The following EXOC2 variants were observed in gnomAD, a reference collection of about 807,000 sequenced individuals.
The protein encoded by EXOC2 is SEC5-like 1.
A neutral mutation model predicts 131.8 loss-of-function variants in EXOC2; 70 were observed. The ratio of observed to expected loss-of-function variants is 0.53; its 90% confidence interval spans 0.44 to 0.65. The LOEUF (loss-of-function observed/expected upper bound fraction) is 0.65, where lower values mean the gene tolerates loss of function less well. Among genes scored for constraint, EXOC2 ranks in the 30% least tolerant of loss-of-function variants. The pLI, the probability that EXOC2 is intolerant of heterozygous loss-of-function variation, is 0.00. For synonymous variants in EXOC2, 411 were observed against 398.4 expected (o/e 1.03, Z -0.38); for missense variants, 923 against 1,108.6 (o/e 0.83, Z 2.38).
intron 4 of EXOC2, among the ~76,000 whole-genome samples, chr6:624,252 C>T (rs1475432868): frequency 3.9e-5 from 6 of 152,152 alleles, no homozygotes; most frequent in African/African-American, 9.7e-5. Flanking sequence ...GTATTCCCAA[C>T]GGGAAGCAGC....
intron 24 of EXOC2, among the ~76,000 whole-genome samples, 189 bp downstream of exon 24, chr6:499,430 AACACACACACACACACACACACACAC>A (rs5873755): frequency 7.1e-6 from 1 of 141,642 alleles, no homozygotes; most frequent in Non-Finnish European, 1.5e-5. Flanking sequence ...CTCACAGTTA[AACACACACACACACACACACACACAC>A]ACACACACAC....
rs778992315 is a variant in EXOC2, at chr6:486,659, T to C, written c.*12A>G. 1 of 1,611,404 alleles carries C rather than the reference T, an allele frequency of 6.2e-7. No homozygotes were observed. The highest frequency in any genetic ancestry group is 1.1e-5 in the South Asian group (1 of 91,016). ...GTGTTATTTTCCTGGACTTCTTTTA[T>C]GTGGCAGATATTTATGTTTTCATCA... On this transcript the variant is annotated 3_prime_UTR_variant, in exon 28 of 28. Coordinates refer to ENST00000230449, the MANE Select transcript of EXOC2 (RefSeq NM_018303.6).
At chr6:558,637 C>G (rs979479721) in intron 17 of EXOC2, among the ~76,000 whole-genome samples, 2 of 151,860 alleles carry the variant, frequency 1.3e-5, no homozygotes, top group Non-Finnish European at 2.9e-5. Flanking sequence ...CATGATGAAA[C>G]CCCATCTCTA....
At chr6:619,334 T>C in intron 5 of EXOC2, 96 bp downstream of exon 5, 3 of 925,118 alleles carry the variant, frequency 3.2e-6, no homozygotes, top group Non-Finnish European at 5.2e-6. Flanking sequence ...CATGTAACTG[T>C]ATGCAGAGCC....
intron 27 of EXOC2, 74 bp from the exon 28 acceptor site, chr6:486,838 G>A (rs890489433): frequency 1.7e-6 from 2 of 1,162,258 alleles, no homozygotes; most frequent in African/African-American, 1.5e-5. Context: ...CACCAGGGGA[G>A]CCAGTGCCCG....
At chr6:608,084 CACTCAT>C (rs1202337509) in intron 7 of EXOC2, among the ~76,000 whole-genome samples, 1 of 152,226 alleles carries the variant, frequency 6.6e-6, no homozygotes, top group African/African-American at 2.4e-5. Flanking sequence ...AAGTAAATGA[CACTCAT>C]ACTCATTTAT....
At chr6:555,890 G>A in intron 19 of EXOC2, 64 bp downstream of exon 19, 3 of 1,476,408 alleles carry the variant, frequency 2.0e-6, no homozygotes, top group Admixed American at 1.8e-5. Flanking sequence ...TTATAAATAG[G>A]AGAGGGGTTG....
chr6:532,554 CT>C lies in EXOC2; in HGVS notation c.2294del (p.Glu765GlyfsTer2). 1 of 1,609,810 alleles carries C rather than the reference CT, an allele frequency of 6.2e-7. No individual in the cohort carries two copies. The highest frequency in any genetic ancestry group is 2.2e-5 in the East Asian group (1 of 44,578). ...AGCCAACGATGGGATCTGCTTTCAA[CT>C]CGATGTAATTTTCAAAGAGTCTTTG... ...LDQRLFENYIELKADPIVGSL... is the reference protein window; with the variant it reads ...LDQRLFENYIXLKADPIVGSL... On this transcript the variant is annotated frameshift_variant, in exon 23 of 28. Transcript: ENST00000230449. LOFTEE classifies it high-confidence loss of function.
In EXOC2 at chr6:576,869, C is replaced by T; in HGVS notation, c.1206G>A (p.Leu402=). Residue 402 remains leucine (L), a synonymous_variant, in exon 12 of 28, where the codon CTG becomes CTA. Transcript: ENST00000230449. Reference sequence around the variant, plus strand: ...TATCAAGATCCAACATGGGACTGTGCAGGCCTGGGTTACCTGGGGAAGAAA... The same window carrying T: ...TATCAAGATCCAACATGGGACTGTGTAGGCCTGGGTTACCTGGGGAAGAAA... ...YVKDLKGNPG[L]HSPMLDLDND... 6.2e-7 allele frequency: 1 copy of T among 1,613,926 alleles called. No homozygotes were observed. Among genetic ancestry groups the T allele is most frequent in the Non-Finnish European group, 8.5e-7 (1 of 1,179,928 alleles).
At chr6:611,650 TC>T (rs1245785729) in intron 6 of EXOC2, among the ~76,000 whole-genome samples, 1 of 152,200 alleles carries the variant, frequency 6.6e-6, no homozygotes, top group Non-Finnish European at 1.5e-5. Flanking sequence ...ATAAAGGCAA[TC>T]CTATTTTCCA....
At chr6:535,220 GC>G (rs1162414671) in intron 22 of EXOC2, among the ~76,000 whole-genome samples, 1 of 152,114 alleles carries the variant, frequency 6.6e-6, no homozygotes, top group African/African-American at 2.4e-5. Flanking sequence ...AAAATGATTA[GC>G]CAGGCATGGT....
In EXOC2 at chr6:610,148, G is replaced by T; in HGVS notation, c.692C>A (p.Thr231Lys). The change falls in exon 7 of 28, where the codon ACG (threonine) becomes AAG (lysine). Residue 231 changes from threonine to lysine, a missense_variant. Coordinates refer to ENST00000230449, the MANE Select transcript of EXOC2 (RefSeq NM_018303.6). ...CGTCATGGATCCTTCTACTTTTTCC[G>T]TTCCATCTGCTTCTAGTTTTTGATG... The part of the protein sequence containing the change: ...AIHQKLEADG[T>K]EKVEGSMTQK... 2.5e-6 allele frequency: 4 copies of T among 1,613,608 alleles called. No individual in the cohort carries two copies. The highest frequency in any genetic ancestry group is 3.4e-6 in the Non-Finnish European group (4 of 1,179,896).
At chr6:654,803 C>CAAAAAAA (rs66637987) in intron 1 of EXOC2, among the ~76,000 whole-genome samples, 539 of 29,516 alleles carry the variant, frequency 0.018, 110 homozygotes, top group Non-Finnish European at 0.026. Flanking sequence ...GACCCTGTCT[C>CAAAAAAA]AAAAAAAAAA....
intron 1 of EXOC2, among the ~76,000 whole-genome samples, chr6:653,867 T>C (rs1204966995): frequency 6.6e-6 from 1 of 152,228 alleles, no homozygotes; most frequent in East Asian, 1.9e-4. Flanking sequence ...GACTCTGTTG[T>C]TAGGGGCTAA....
chr6:660,219 G>T (rs1361233685), intron 1 of EXOC2, among the ~76,000 whole-genome samples: 5 of 142,852 alleles, frequency 3.5e-5, no homozygotes, highest in African/African-American at 1.3e-4. Context: ...ACCTGGTAGT[G>T]GAAGACAAAG....
intron 23 of EXOC2, among the ~76,000 whole-genome samples, chr6:514,834 G>A (rs1455316951): frequency 6.6e-6 from 1 of 152,226 alleles, no homozygotes; most frequent in Non-Finnish European, 1.5e-5. Context: ...CCCAGGAGGA[G>A]GGGAGGAGGG....
intron 8 of EXOC2, 66 bp downstream of exon 8, chr6:599,014 T>C: frequency 6.4e-7 from 1 of 1,558,534 alleles, no homozygotes; most frequent in Middle Eastern, 1.7e-4. Flanking sequence ...ATAAAAAACA[T>C]CTTAAAAAAT....
chr6:616,729 CTTAT>C (rs553743664), intron 6 of EXOC2, among the ~76,000 whole-genome samples: 115 of 149,270 alleles, frequency 7.7e-4, no homozygotes, highest in African/African-American at 2.3e-3. Context: ...AAGAGGGGGG[CTTAT>C]TTATTTATTT....
chr6:610,316 T>C (rs759792736), intron 6 of EXOC2, 138 bp from the exon 7 acceptor site: 2 of 701,008 alleles, frequency 2.9e-6, no homozygotes, highest in Non-Finnish European at 4.8e-6. Context: ...CATGCTACCC[T>C]GTACAAGGTA....
Sources: allele counts gnomAD v4.1 joint callset (sites outside exome capture counted in the v4.1 genomes callset), GRCh38; gene constraint gnomAD v4.1.1; transcripts MANE v1.5; gene names NCBI Gene and HGNC (gene_info 2026-07-23, HGNC 2026-07-21).